The following SH3BP2 variants were observed in gnomAD, a reference collection of about 807,000 sequenced individuals.
The protein encoded by SH3BP2 is SH3 domain binding protein 2, also known as SH3 domain-binding protein 2.
SH3BP2 carries 38 observed loss-of-function variants against 56.2 expected under a neutral mutation model. That is an observed-to-expected ratio of 0.68 (90% CI 0.52 to 0.89). SH3BP2 has a LOEUF of 0.89. SH3BP2 is among the 40% of genes least tolerant of loss of function. SH3BP2 has a pLI of 0.00. For synonymous variants in SH3BP2, 346 were observed against 316.7 expected (o/e 1.09, Z -0.98); for missense variants, 748 against 762.6 (o/e 0.98, Z 0.23).
chr4:2,830,295 C>A (rs1304079449), intron 8 of SH3BP2, 148 bp downstream of exon 8: 1 of 693,900 alleles, frequency 1.4e-6, no homozygotes, highest in African/African-American at 1.8e-5. Context: ...TCCCGGTTGC[C>A]TCCAGTCCGC....
chr4:2,811,189 C>G (rs1723733640), intron 1 of SH3BP2, among the ~76,000 whole-genome samples: 1 of 152,188 alleles, frequency 6.6e-6, no homozygotes, highest in Non-Finnish European at 1.5e-5. Flanking sequence ...AGCCTGGGAG[C>G]TGCCTTTTTT....
chr4:2,800,682 C>T (rs28422992), intron 1 of SH3BP2, among the ~76,000 whole-genome samples: 22,563 of 152,056 alleles, frequency 0.15, 1,826 homozygotes, highest in Non-Finnish European at 0.18. Flanking sequence ...TCGGCTCCCA[C>T]GGGTCTGGGG....
intron 8 of SH3BP2, among the ~76,000 whole-genome samples, chr4:2,830,766 AG>A (rs1433121101): frequency 1.3e-5 from 2 of 152,252 alleles, no homozygotes; most frequent in Non-Finnish European, 2.9e-5. Context: ...CTGGGACCCC[AG>A]GTGGGCTTCC....
chr4:2,830,940 G>C (rs973612190), intron 8 of SH3BP2, among the ~76,000 whole-genome samples: 6 of 152,236 alleles, frequency 3.9e-5, no homozygotes, highest in African/African-American at 1.4e-4. Context: ...AAGTGCCTCT[G>C]AGCAGCCCTT....
Position 2,812,251 on chromosome 4 carries a change from A to G in SH3BP2, c.-4-8363A>G, listed in dbSNP as rs558426863. On this transcript the variant is annotated intron_variant, in intron 1 of 12. Transcript: ENST00000503393. The stretch of plus-strand genomic sequence containing the variant: ...GCTGCCCAGGGAGCAGGGAACAGGA[A>G]GTCCCGGGTGGGGAGGAAGCACCGG... The G allele has an allele frequency of 7.0e-4, 1,070 of 1,532,350 alleles. 1 individual carries two copies. Among genetic ancestry groups the G allele is most frequent in the Admixed American group, 3.2e-3 (160 of 50,312 alleles). The allele number at this position is 1,532,350 out of a possible 1,614,324, so 94.9% of individuals were successfully genotyped here. A position where few individuals can be genotyped will look rare whatever the true frequency, so the allele number is the denominator to read the frequency against.
At chr4:2,804,274 T>G (rs1452294789) in intron 1 of SH3BP2, among the ~76,000 whole-genome samples, 2 of 152,204 alleles carry the variant, frequency 1.3e-5, no homozygotes, top group African/African-American at 2.4e-5. Flanking sequence ...CACTAAGTCC[T>G]GGGTCCAGCA....
In SH3BP2 at chr4:2,824,718, G is replaced by C. The variant is rs779079312; in HGVS notation, c.345G>C (p.Glu115Asp). 4 of 1,612,346 alleles carry C rather than the reference G, an allele frequency of 2.5e-6. No individual in the cohort carries two copies. The highest frequency in any genetic ancestry group is 3.4e-6 in the Non-Finnish European group (4 of 1,178,734). ...CGTGGTTCTTCTCGGCCTCCTCCGA[G>C]GAGGAGCGCAAGGTGACTGGGGGTC... is the stretch of plus-strand genomic sequence containing the variant. ...HRTWFFSASSEEERKSWMALL... is the reference protein window; with the variant it reads ...HRTWFFSASSDEERKSWMALL... Residue 115 changes from glutamate to aspartate, a missense_variant, in exon 4 of 13, where the codon GAG becomes GAC. Transcript: ENST00000503393.
chr4:2,803,932 G>C (rs75717922), intron 1 of SH3BP2, among the ~76,000 whole-genome samples: 363 of 152,260 alleles, frequency 2.4e-3, no homozygotes, highest in Middle Eastern at 0.01. Flanking sequence ...CTTGGATCCC[G>C]GGTGCAGGGT....
At chr4:2,802,412 G>A (rs1723323183) in intron 1 of SH3BP2, among the ~76,000 whole-genome samples, 1 of 145,868 alleles carries the variant, frequency 6.9e-6, no homozygotes, top group Non-Finnish European at 1.5e-5. Flanking sequence ...ATATGTGTGT[G>A]TGTGTGTGTG....
intron 1 of SH3BP2, chr4:2,818,201 C>T (rs1724090675): frequency 8.1e-6 from 8 of 987,938 alleles, no homozygotes; most frequent in Middle Eastern, 5.2e-4. Context: ...GAGCCGGCGG[C>T]TGCCAGGCCA....
rs770692755 is a variant in SH3BP2 at position 2,820,695 on chromosome 4, C to T, written c.78C>T (p.Gly26=). ...AGAACCTGCTAACCATGCCTGGGGG[C>T]GTGGCCAAGGCTGGCTACCTGCACA... ...GAQNLLTMPG[G]VAKAGYLHKK... Residue 26 remains glycine (G), a synonymous_variant, in exon 2 of 13, where the codon GGC becomes GGT. Coordinates refer to ENST00000503393, the MANE Select transcript of SH3BP2 (RefSeq NM_001122681.2). The T allele has an allele frequency of 2.7e-5, 44 of 1,613,972 alleles. No individual in the cohort carries two copies. The highest frequency in any genetic ancestry group is 3.3e-5 in the Non-Finnish European group (39 of 1,179,974).
Position 2,830,134 on chromosome 4 carries a change from C to T in SH3BP2, c.1228C>T (p.Leu410Phe). 1.2e-6 allele frequency: 2 copies of T among 1,600,890 alleles called. No homozygotes were observed. Among genetic ancestry groups the T allele is most frequent in the East Asian group, 2.2e-5 (1 of 44,854 alleles). ...CCTGCCCAGGCCAGAGAAGCCGCAG[C>T]TCCCGCACCTCCAGTGAGTTTGTGT... is the stretch of plus-strand genomic sequence containing the variant. Reference protein sequence around the residue: ...AVLPRPEKPQLPHLQRSPPDG... With the variant: ...AVLPRPEKPQFPHLQRSPPDG... Residue 410 changes from leucine to phenylalanine, a missense_variant, in exon 8 of 13, where the codon CTC (leucine) becomes TTC (phenylalanine). Physicochemically the swap from Leu to Phe is conservative, Grantham distance 22. Around this residue, in one of 3 missense-constraint regions of SH3BP2, gnomAD observed 635 missense variants for 615.0 expected, o/e 1.03. Transcript: ENST00000503393.
Position 2,823,004 on chromosome 4 carries a change from C to T in SH3BP2, c.206C>T (p.Pro69Leu), listed in dbSNP as rs775642148. 6.2e-6 allele frequency: 10 copies of T among 1,613,922 alleles called. No individual in the cohort carries two copies. Among genetic ancestry groups the T allele is most frequent in the South Asian group, 4.4e-5 (4 of 91,068 alleles). The change falls in exon 3 of 13, where the codon CCG (proline) becomes CTG (leucine). Residue 69 changes from proline to leucine, a missense_variant. Around this residue, in one of 3 missense-constraint regions of SH3BP2, gnomAD observed 104 missense variants for 123.1 expected, o/e 0.84. Transcript: ENST00000503393. ...TTCAAGAGTAGCACCTCTGCCTCCC[C>T]GCAGGGCGCCTTCTCCCTGAGTGGC... ...YYFKSSTSASPQGAFSLSGYN... is the reference protein window; with the variant it reads ...YYFKSSTSASLQGAFSLSGYN...
intron 6 of SH3BP2, 97 bp downstream of exon 6, chr4:2,827,415 C>T: frequency 1.5e-6 from 2 of 1,322,110 alleles, no homozygotes; most frequent in Non-Finnish European, 2.2e-6. Flanking sequence ...CGGCTGTGCT[C>T]CTTGCTCTGG....
intron 1 of SH3BP2, among the ~76,000 whole-genome samples, chr4:2,811,318 G>A (rs979730499): frequency 6.6e-6 from 1 of 152,212 alleles, no homozygotes; most frequent in Non-Finnish European, 1.5e-5. Flanking sequence ...GAAGCCTGGC[G>A]GGCAAGATGA....
chr4:2,828,839 C>T (rs991380686), intron 7 of SH3BP2, among the ~76,000 whole-genome samples: 2 of 152,222 alleles, frequency 1.3e-5, no homozygotes, highest in African/African-American at 4.8e-5. Context: ...CTGCCCTGTT[C>T]CTTGCCAGCC....
At chr4:2,830,758 G>C (rs1577369094) in intron 8 of SH3BP2, among the ~76,000 whole-genome samples, 1 of 152,250 alleles carries the variant, frequency 6.6e-6, no homozygotes, top group African/African-American at 2.4e-5. Flanking sequence ...AAAGGCATCT[G>C]GGACCCCAGG....
chr4:2,818,757 C>G (rs1020344397), intron 1 of SH3BP2: 69 of 988,390 alleles, frequency 7.0e-5, no homozygotes, highest in Non-Finnish European at 8.1e-5. Context: ...GGACCCGCCC[C>G]TGACCCCTCC....
At chr4:2,821,756 G>C (rs1232349406) in intron 2 of SH3BP2, among the ~76,000 whole-genome samples, 1 of 152,174 alleles carries the variant, frequency 6.6e-6, no homozygotes, top group Non-Finnish European at 1.5e-5. Context: ...TGTTGCCCAG[G>C]CTGGCCTGGA....
Sources: gnomAD v4.1 joint callset for allele counts (sites outside exome capture counted in the v4.1 genomes callset) on GRCh38, gnomAD v4.1.1 for gene constraint, gnomAD v4.1.1 regional missense constraint, MANE v1.5 for transcripts, NCBI Gene and HGNC (gene_info 2026-07-23, HGNC 2026-07-21) for gene names.